ANKRD26: variants seen among roughly 807,000 people sequenced by gnomAD.
ANKRD26 encodes the protein ankyrin repeat domain-containing protein 26.
Under a neutral mutation model 208.7 loss-of-function variants are expected in ANKRD26, and 141 were observed. The observed-to-expected ratio is 0.68, with a 90% confidence interval of 0.59 to 0.78. The LOEUF (loss-of-function observed/expected upper bound fraction) is 0.78, where lower values mean the gene tolerates loss of function less well. Ranked by LOEUF, ANKRD26 falls within the 30% of genes least tolerant of loss-of-function variation. ANKRD26 has a pLI of 0.00. For synonymous variants in ANKRD26, 636 were observed against 660.4 expected (o/e 0.96, Z 0.57); for missense variants, 1,889 against 1,938.7 (o/e 0.97, Z 0.48).
chr10:27,091,172 T>A (rs759262095), intron 4 of ANKRD26, among the ~76,000 whole-genome samples: 4 of 152,228 alleles, frequency 2.6e-5, no homozygotes, highest in Non-Finnish European at 4.4e-5. Context: ...AAGCGTGGGC[T>A]AGGCACTGAA....
In ANKRD26 at chr10:27,082,076, G is replaced by GAAAAAAAA. The variant is rs1564424246; in HGVS notation, c.740+726_740+727insTTTTTTTT. 3.4e-4 allele frequency among the ~76,000 whole-genome samples: 13 copies of GAAAAAAAA among 38,410 alleles called. 1 individual carries two copies. Among genetic ancestry groups the GAAAAAAAA allele is most frequent in the East Asian group, 2.0e-3 (5 of 2,564 alleles). The allele number at this position is 38,410 out of a possible 152,430, so 25.2% of individuals were successfully genotyped here. On this transcript the variant is annotated intron_variant, in intron 6 of 33. Transcript: ENST00000376087. ...AAAAAAAAAAAAAAAAAAAAAAAAG[G>GAAAAAAAA]GAGAGAGAGAAACAAAATCATATCC...
At chr10:27,098,177 T>C (rs1273604497) in intron 1 of ANKRD26, among the ~76,000 whole-genome samples, 3 of 152,100 alleles carry the variant, frequency 2.0e-5, no homozygotes, top group African/African-American at 7.2e-5. Context: ...AGATCTGCTT[T>C]ACCTTTCATT....
At chr10:27,021,957 C>T (rs1166019659) in intron 29 of ANKRD26, among the ~76,000 whole-genome samples, 1 of 152,082 alleles carries the variant, frequency 6.6e-6, no homozygotes, top group African/African-American at 2.4e-5. Flanking sequence ...TTGTTAGATG[C>T]ATAGTTTGCA....
At chr10:26,958,456 C>A in the ANKRD26 span, among the ~76,000 whole-genome samples, 1 of 152,088 alleles carries the variant, frequency 6.6e-6, no homozygotes, top group Admixed American at 6.5e-5. Flanking sequence ...CCTTAACCCC[C>A]TACAGGTGCC....
chr10:27,024,544 C>G lies in ANKRD26; in HGVS notation c.3988G>C (p.Glu1330Gln), dbSNP rs2053597296. Residue 1330 changes from glutamate to glutamine, a missense_variant, in exon 28 of 34, where the codon GAA becomes CAA. Glu to Gln is a conservative substitution (Grantham distance 29). This residue lies in a region of ANKRD26 where 613 missense variants were observed against 648.2 expected (regional missense o/e 0.95). Transcript: ENST00000376087. Reference sequence around the variant, plus strand: ...AATTCCATAAGTTTCTTTAATTGTTCCTTTTCATCTTCAGACTTTGAAACA... The same window carrying G: ...AATTCCATAAGTTTCTTTAATTGTTGCTTTTCATCTTCAGACTTTGAAACA... ...LNANLSEDEK[E>Q]QLKKLMELKQ... The G allele has an allele frequency of 1.3e-6, 2 of 1,560,272 alleles. No homozygotes were observed. The highest frequency in any genetic ancestry group is 2.7e-5 in the African/African-American group (2 of 73,740).
chr10:27,012,745 G>A, intron 32 of ANKRD26, 137 bp downstream of exon 32: 3 of 750,196 alleles, frequency 4.0e-6, no homozygotes, highest in South Asian at 3.4e-5. Flanking sequence ...CCTAGACATA[G>A]AGGTTGCAGT....
In ANKRD26 at chr10:27,037,808, G is replaced by T. The variant is rs888936118; in HGVS notation, c.2559+63C>A. The T allele has an allele frequency of 7.8e-6, 10 of 1,282,472 alleles. No individual in the cohort carries two copies. The East Asian group carries it at 2.3e-4, about 29-fold the overall frequency. 79.4% of individuals were successfully genotyped at this position (1,282,472 alleles called of 1,614,324 possible). A position where few individuals can be genotyped will look rare whatever the true frequency, so the allele number is the denominator to read the frequency against. On this transcript the variant is annotated intron_variant, in intron 22 of 33. Coordinates refer to ENST00000376087, the MANE Select transcript of ANKRD26 (RefSeq NM_014915.3). ...CTAGATAACATATATTAAATCAAAA[G>T]GATGTGATAATAGTGATGAAATAAA...
At chr10:26,978,702 G>C (rs2052262449) in intron 5 of ANKRD26, among the ~76,000 whole-genome samples, 1 of 152,050 alleles carries the variant, frequency 6.6e-6, no homozygotes, top group Non-Finnish European at 1.5e-5. Flanking sequence ...TAATGCTCTG[G>C]CCCCCTGGGC....
exon 6 of ANKRD26, among the ~76,000 whole-genome samples, chr10:26,976,039 G>T (rs1045744351): frequency 3.3e-5 from 5 of 151,466 alleles, no homozygotes; most frequent in African/African-American, 1.2e-4. Flanking sequence ...AATCTGATTG[G>T]CAGCTAAAAA....
At chr10:26,961,456 C>T in the ANKRD26 span, among the ~76,000 whole-genome samples, 7 of 152,268 alleles carry the variant, frequency 4.6e-5, no homozygotes, top group East Asian at 3.9e-4. Flanking sequence ...TGACAGGACT[C>T]GCTGGGCTTG....
chr10:27,007,198 GCATATATATAATGT>G (rs755953465), intron 32 of ANKRD26, among the ~76,000 whole-genome samples: 1 of 152,146 alleles, frequency 6.6e-6, no homozygotes, highest in Non-Finnish European at 1.5e-5. Flanking sequence ...TTGGTCTACT[GCATATATATAATGT>G]CAGAAAGGTG....
At position 27,048,858 on chromosome 10, in the gene ANKRD26, T is replaced by C. The variant is rs1589281004; in HGVS notation, c.1757A>G (p.Lys586Arg). ...DDDDGLIQKR[K>R]SGETDHQQFP... Reference sequence around the variant, plus strand: ...TTGCTGATGATCAGTTTCTCCACTCTTTCTTTTTTGAATTAATCCATCATC... The same window carrying C: ...TTGCTGATGATCAGTTTCTCCACTCCTTCTTTTTTGAATTAATCCATCATC... The change falls in exon 17 of 34, where the codon AAG (lysine) becomes AGG (arginine). Residue 586 changes from lysine (K) to arginine (R), a missense_variant. This residue lies in a region of ANKRD26 where 1,272 missense variants were observed against 1,273.8 expected (regional missense o/e 1.00). Transcript: ENST00000376087. 2 of 1,613,164 alleles carry C rather than the reference T, an allele frequency of 1.2e-6. No individual in the cohort carries two copies. The highest frequency in any genetic ancestry group is 1.7e-6 in the Non-Finnish European group (2 of 1,179,694).
intron 9 of ANKRD26, among the ~76,000 whole-genome samples, chr10:27,075,260 A>G (rs145890041): frequency 9.8e-4 from 150 of 152,332 alleles, no homozygotes; most frequent in Middle Eastern, 3.4e-3. Context: ...ATTGAAGTAA[A>G]TGGTCTAAAT....
Position 27,100,201 on chromosome 10 carries a change from G to C in ANKRD26, c.126C>G (p.Val42=). Reference sequence around the variant, plus strand: ...GGATCTTGCCGAGATCTCGGTCTCGGACGTGGTAGCCGGGCTGCGAGTAGG... The same window carrying C: ...GGATCTTGCCGAGATCTCGGTCTCGCACGTGGTAGCCGGGCTGCGAGTAGG... ...EGAYSQPGYH[V]RDRDLGKIHK... The change falls in exon 1 of 34, where the codon GTC becomes GTG. Residue 42 remains valine (V), a synonymous_variant. Coordinates refer to ENST00000376087, the MANE Select transcript of ANKRD26 (RefSeq NM_014915.3). 1 of 1,613,730 alleles carries C rather than the reference G, an allele frequency of 6.2e-7. No individual in the cohort carries two copies. The highest frequency in any genetic ancestry group is 8.5e-7 in the Non-Finnish European group (1 of 1,179,944).
chr10:26,952,640 TAATAA>T, the ANKRD26 span, among the ~76,000 whole-genome samples: 11 of 152,066 alleles, frequency 7.2e-5, no homozygotes, highest in Admixed American at 4.6e-4. Context: ...TAAAAAATAA[TAATAA>T]AATAAAACAA....
At chr10:27,045,990 C>G (rs1023617199) in intron 18 of ANKRD26, 2 of 162,742 alleles carry the variant, frequency 1.2e-5, no homozygotes, top group Admixed American at 6.2e-5. Context: ...ATAAGCATTT[C>G]CTTCTCTACT....
At chr10:26,999,807 C>CAAAAAA (rs68192322), downstream of ANKRD26, among the ~76,000 whole-genome samples, 5 of 74,772 alleles carry the variant, frequency 6.7e-5, no homozygotes, top group African/African-American at 9.7e-5. Flanking sequence ...CAAAACCAAC[C>CAAAAAA]AAAAAAAAAA....
At chr10:27,048,058 G>A (rs919986877) in intron 17 of ANKRD26, among the ~76,000 whole-genome samples, 4 of 151,730 alleles carry the variant, frequency 2.6e-5, no homozygotes, top group African/African-American at 7.3e-5. Context: ...ACTTTTTTAC[G>A]GTCTAAAAAC....
At chr10:26,963,849 T>C in the ANKRD26 span, among the ~76,000 whole-genome samples, 1 of 151,602 alleles carries the variant, frequency 6.6e-6, no homozygotes, top group Non-Finnish European at 1.5e-5. Context: ...ACTCTATTGG[T>C]TTTGTTTGTG....
Sources: gnomAD v4.1 joint callset for allele counts (sites outside exome capture counted in the v4.1 genomes callset) on GRCh38, gnomAD v4.1.1 for gene constraint, gnomAD v4.1.1 regional missense constraint, MANE v1.5 for transcripts, NCBI Gene and HGNC (gene_info 2026-07-23, HGNC 2026-07-21) for gene names.